Variants in FBXL7 observed in about 807,000 individuals in gnomAD.
FBXL7 encodes F-box and leucine rich repeat protein 7, also known as F-box/LRR-repeat protein 7.
In FBXL7, 12 loss-of-function variants were observed where a neutral mutation model predicts 38.3. The observed-to-expected ratio is 0.31, with a 90% CI of 0.20 to 0.51. The LOEUF is 0.51. Ranked by LOEUF, FBXL7 falls within the 20% of genes least tolerant of loss-of-function variation. The pLI, the probability that FBXL7 is intolerant of heterozygous loss-of-function variation, is 0.98. For synonymous variants in FBXL7, 297 were observed against 300.9 expected (o/e 0.99, Z 0.13); for missense variants, 567 against 676.4 (o/e 0.84, Z 1.79).
rs1739515805 is a variant in FBXL7 at position 15,862,418 on chromosome 5, C to A, written c.128-65472C>A. Among the ~76,000 whole-genome samples the A allele has an allele frequency of 2.6e-5, 4 of 152,298 alleles. 1 individual carries two copies. In the South Asian group the frequency reaches 8.3e-4, roughly 32 times the overall value. On this transcript the variant is annotated intron_variant, in intron 2 of 3. Coordinates refer to ENST00000504595, the MANE Select transcript of FBXL7 (RefSeq NM_012304.5). The stretch of plus-strand genomic sequence containing the variant: ...TGCCCTGTCTCGGCTATGTCCTTAT[C>A]AACAGCATAAAAACAGACTAATACA...
chr5:15,651,326 G>A (rs538018061), intron 2 of FBXL7, among the ~76,000 whole-genome samples: 1 of 152,156 alleles, frequency 6.6e-6, no homozygotes, highest in African/African-American at 2.4e-5. Context: ...TCCATCTCCT[G>A]ACCTCATGAT....
chr5:15,611,462 G>A (rs1328848495), intron 1 of FBXL7, among the ~76,000 whole-genome samples: 1 of 151,944 alleles, frequency 6.6e-6, no homozygotes. Flanking sequence ...GCTCAGACAC[G>A]AATTATAGTT....
chr5:15,921,222 A>C (rs1168806597), intron 2 of FBXL7, among the ~76,000 whole-genome samples: 1 of 151,936 alleles, frequency 6.6e-6, no homozygotes, highest in Admixed American at 6.6e-5. Flanking sequence ...CTCTACTAAA[A>C]ATACAAAGAT....
chr5:15,701,406 A>G (rs1006505284), intron 2 of FBXL7, among the ~76,000 whole-genome samples: 2 of 152,210 alleles, frequency 1.3e-5, no homozygotes, highest in African/African-American at 4.8e-5. Flanking sequence ...TTTACCAGCT[A>G]TTCATCAGCA....
chr5:15,670,768 T>G lies in FBXL7; in HGVS notation c.127+54696T>G, dbSNP rs924535672. 5.8e-4 allele frequency among the ~76,000 whole-genome samples: 88 copies of G among 151,924 alleles called. 1 individual carries two copies. The highest frequency in any genetic ancestry group is 2.0e-3 in the African/African-American group (83 of 41,408). ...GTGAGCCAAGATCATGCCACTGCAC[T>G]TCAGCCTGGGTGACAGAGTGAGACT... On this transcript the variant is annotated intron_variant, in intron 2 of 3. Transcript: ENST00000504595.
chr5:15,804,765 T>C (rs1009146062), intron 2 of FBXL7, among the ~76,000 whole-genome samples: 2 of 152,146 alleles, frequency 1.3e-5, no homozygotes, highest in African/African-American at 4.8e-5. Context: ...GTGAGGGATC[T>C]AGGTTGCGTA....
intron 1 of FBXL7, among the ~76,000 whole-genome samples, chr5:15,586,922 G>A (rs1739324583): frequency 6.6e-6 from 1 of 152,130 alleles, no homozygotes; most frequent in African/African-American, 2.4e-5. Context: ...GACCTTTAGG[G>A]AGATTTCGAG....
At chr5:15,582,870 ATAT>A (rs1739185329) in intron 1 of FBXL7, among the ~76,000 whole-genome samples, 1 of 151,760 alleles carries the variant, frequency 6.6e-6, no homozygotes, top group South Asian at 2.1e-4. Flanking sequence ...ATTTCCTTTT[ATAT>A]TAATCATTAT....
intron 2 of FBXL7, among the ~76,000 whole-genome samples, chr5:15,874,037 C>T (rs942137839): frequency 2.0e-5 from 3 of 152,098 alleles, no homozygotes; most frequent in Non-Finnish European, 2.9e-5. Context: ...ACTGGCAAAC[C>T]AAATCCAGTA....
intron 2 of FBXL7, among the ~76,000 whole-genome samples, chr5:15,905,603 G>A (rs560012560): frequency 5.9e-4 from 89 of 151,616 alleles, no homozygotes; most frequent in Non-Finnish European, 1.2e-3. Context: ...ACAAACAAAT[G>A]TAACAACAAC....
intron 2 of FBXL7, among the ~76,000 whole-genome samples, chr5:15,766,039 T>TCTGTCTACCTACCTAC (rs750041644): frequency 6.1e-5 from 7 of 114,874 alleles, no homozygotes; most frequent in Admixed American, 4.6e-4. Flanking sequence ...TGTCTGTCTG[T>TCTGTCTACCTACCTAC]CTATCTACCT....
chr5:15,524,139 C>T lies in FBXL7; in HGVS notation c.37+23426C>T, dbSNP rs566655036. ...TAGAAAATTTTATGCACTTTTTTTT[C>T]CCCATCTGTCCACTAAGAAGCATGT... On this transcript the variant is annotated intron_variant, in intron 1 of 3. Transcript: ENST00000504595. 4.6e-5 allele frequency among the ~76,000 whole-genome samples: 7 copies of T among 151,914 alleles called. No individual in the cohort carries two copies. The South Asian group carries it at 1.0e-3, about 23-fold the overall frequency.
intron 2 of FBXL7, among the ~76,000 whole-genome samples, chr5:15,665,616 G>A (rs188470385): frequency 6.6e-6 from 1 of 152,250 alleles, no homozygotes; most frequent in Admixed American, 6.5e-5. Context: ...TTTATGAACA[G>A]ACTACGATTT....
At chr5:15,607,909 G>A (rs369796081) in intron 1 of FBXL7, among the ~76,000 whole-genome samples, 4 of 152,162 alleles carry the variant, frequency 2.6e-5, no homozygotes, top group African/African-American at 7.2e-5. Flanking sequence ...GCCCACTTGC[G>A]AGGAAATTAA....
In FBXL7 at chr5:15,668,718, GA is replaced by G. The variant is rs557199276; in HGVS notation, c.127+52650del. ...CTAACCTCCAGGCTTTTTATATGAG[GA>G]AAAGTAAAACTCATCAAGTTTATAA... is the stretch of plus-strand genomic sequence containing the variant. On this transcript the variant is annotated intron_variant, in intron 2 of 3. Transcript: ENST00000504595. Among the ~76,000 whole-genome samples the G allele has an allele frequency of 2.8e-3, 429 of 152,184 alleles. 2 individuals are homozygous for G. Among genetic ancestry groups the G allele is most frequent in the African/African-American group, 9.9e-3 (410 of 41,528 alleles).
chr5:15,515,139 G>A (rs1030058308), intron 1 of FBXL7, among the ~76,000 whole-genome samples: 2 of 152,180 alleles, frequency 1.3e-5, no homozygotes, highest in South Asian at 2.1e-4. Context: ...TGGATGGACC[G>A]GATGCCACTG....
intron 2 of FBXL7, among the ~76,000 whole-genome samples, chr5:15,616,520 A>G (rs1740459539): frequency 6.6e-6 from 1 of 152,188 alleles, no homozygotes; most frequent in Non-Finnish European, 1.5e-5. Context: ...TTAATCTCCA[A>G]AATTTGGGAG....
chr5:15,878,165 A>G (rs966944079), intron 2 of FBXL7, among the ~76,000 whole-genome samples: 5 of 152,206 alleles, frequency 3.3e-5, no homozygotes, highest in Non-Finnish European at 7.3e-5. Flanking sequence ...CGCCACCCTC[A>G]AGGTCAGCCA....
chr5:15,524,751 A>G (rs924543271), intron 1 of FBXL7, among the ~76,000 whole-genome samples: 2 of 152,222 alleles, frequency 1.3e-5, no homozygotes, highest in African/African-American at 4.8e-5. Context: ...TTATCCATTT[A>G]TCATAGGAGA....
Sources: gnomAD v4.1 joint callset for allele counts (sites outside exome capture counted in the v4.1 genomes callset) on GRCh38, gnomAD v4.1.1 for gene constraint, MANE v1.5 for transcripts, NCBI Gene and HGNC (gene_info 2026-07-23, HGNC 2026-07-21) for gene names.